The following SPOCK3 variants were observed in gnomAD, a reference collection of about 807,000 sequenced individuals.
SPOCK3 encodes the protein testican-3.
SPOCK3 carries 30 observed loss-of-function variants against 56.6 expected under a neutral mutation model. The ratio of observed to expected loss-of-function variants is 0.53; its 90% confidence interval spans 0.40 to 0.72. SPOCK3 has a LOEUF of 0.72. Among genes scored for constraint, SPOCK3 ranks in the 30% least tolerant of loss-of-function variants. The pLI is 0.00. For missense variants in SPOCK3, 527 were observed against 530.0 expected, an observed-to-expected ratio of 0.99 and a Z score of 0.06; for synonymous variants, 196 against 183.3, an observed-to-expected ratio of 1.07 and a Z score of -0.56.
intron 6 of SPOCK3, among the ~76,000 whole-genome samples, chr4:166,806,437 C>T (rs942402323): frequency 6.6e-6 from 1 of 152,026 alleles, no homozygotes; most frequent in Admixed American, 6.6e-5. Context: ...ACAATTGATG[C>T]TTCTATTTTG....
At position 167,148,010 on chromosome 4, in the gene SPOCK3, A is replaced by G. The variant is rs114489461; in HGVS notation, c.190-85473T>C. ...ACTGAAAAATACTGCCGATAAAACAATAAATTGAGATCCAAAAAATGACCT... is the reference window on the plus strand; with the variant it reads ...ACTGAAAAATACTGCCGATAAAACAGTAAATTGAGATCCAAAAAATGACCT... On this transcript the variant is annotated intron_variant, in intron 2 of 10. Coordinates refer to ENST00000357545, the MANE Select transcript of SPOCK3 (RefSeq NM_001040159.2). Among the ~76,000 whole-genome samples, 268 of 152,292 alleles carry G rather than the reference A, an allele frequency of 1.8e-3. 1 individual carries two copies. The highest frequency in any genetic ancestry group is 2.7e-3 in the Admixed American group (41 of 15,284).
rs746186223 is a variant in SPOCK3 at position 167,062,476 on chromosome 4, ATAGT to A, written c.235+12_235+15del. 5.1e-5 allele frequency: 80 copies of A among 1,570,458 alleles called. No homozygotes were observed. The highest frequency in any genetic ancestry group is 4.8e-5 in the Non-Finnish European group (55 of 1,144,782). ...AACATGTAAAGGTTTTTATTTTAAA[ATAGT>A]TAGATTCTTACCCTGATCGAAGGGT... On this transcript the variant is annotated intron_variant, in intron 3 of 10. Coordinates refer to ENST00000357545, the MANE Select transcript of SPOCK3 (RefSeq NM_001040159.2).
intron 2 of SPOCK3, among the ~76,000 whole-genome samples, chr4:167,133,475 A>G (rs1330329441): frequency 4.6e-5 from 7 of 152,220 alleles, no homozygotes; most frequent in Admixed American, 4.6e-4. Flanking sequence ...AATATGTTGC[A>G]GAGCAATAGG....
chr4:167,012,612 AC>A (rs1215497295), intron 3 of SPOCK3, among the ~76,000 whole-genome samples: 1 of 151,918 alleles, frequency 6.6e-6, no homozygotes, highest in Non-Finnish European at 1.5e-5. Flanking sequence ...GAATAGTAAA[AC>A]TCAGAGTTTA....
intron 6 of SPOCK3, among the ~76,000 whole-genome samples, chr4:166,850,122 A>G (rs1748524271): frequency 6.6e-6 from 1 of 152,194 alleles, no homozygotes; most frequent in Non-Finnish European, 1.5e-5. Context: ...GCTGGATCAT[A>G]TGGTAATTCT....
chr4:167,234,114 G>C lies in SPOCK3; in HGVS notation c.60C>G (p.Leu20=). The part of the protein sequence containing the change: ...VCAAAWCSQS[L]AAAAAVAAAG... ...CTGCAGCCACCGCCGCGGCAGCTGC[G>C]AGAGACTGACTGCACCAAGCGGCTG... Residue 20 remains leucine (L), a synonymous_variant, in exon 2 of 11, where the codon CTC becomes CTG. Coordinates refer to ENST00000357545, the MANE Select transcript of SPOCK3 (RefSeq NM_001040159.2). 1 of 1,613,956 alleles carries C rather than the reference G, an allele frequency of 6.2e-7. No individual in the cohort carries two copies. The highest frequency in any genetic ancestry group is 2.2e-5 in the East Asian group (1 of 44,842).
intron 2 of SPOCK3, among the ~76,000 whole-genome samples, chr4:167,101,274 G>T (rs1759617986): frequency 6.6e-6 from 1 of 151,912 alleles, no homozygotes; most frequent in African/African-American, 2.4e-5. Context: ...TTATGGCTTT[G>T]GTTCTCCAAA....
At chr4:166,914,432 TTTTAA>T (rs1171532471) in intron 4 of SPOCK3, among the ~76,000 whole-genome samples, 1 of 152,180 alleles carries the variant, frequency 6.6e-6, no homozygotes, top group African/African-American at 2.4e-5. Context: ...AATCTTTCAA[TTTTAA>T]TTTAAAGAGT....
At chr4:167,112,606 A>T (rs1411213371) in intron 2 of SPOCK3, among the ~76,000 whole-genome samples, 1 of 152,122 alleles carries the variant, frequency 6.6e-6, no homozygotes, top group Non-Finnish European at 1.5e-5. Context: ...GGAAAACATC[A>T]AGACTTCACC....
At chr4:166,863,887 A>G (rs1289930158) in intron 6 of SPOCK3, among the ~76,000 whole-genome samples, 1 of 152,032 alleles carries the variant, frequency 6.6e-6, no homozygotes, top group African/African-American at 2.4e-5. Flanking sequence ...GAGGCAGAAA[A>G]TTAAGTAGGA....
chr4:167,153,108 G>T (rs1580451190), intron 2 of SPOCK3, among the ~76,000 whole-genome samples: 1 of 152,244 alleles, frequency 6.6e-6, no homozygotes, highest in African/African-American at 2.4e-5. Flanking sequence ...TTCTACAGAT[G>T]ATAAAACTGA....
At chr4:166,908,872 T>C (rs1406293450) in intron 5 of SPOCK3, among the ~76,000 whole-genome samples, 2 of 152,066 alleles carry the variant, frequency 1.3e-5, no homozygotes, top group African/African-American at 4.8e-5. Context: ...AGACTTTGCC[T>C]GAAGTAAAGA....
chr4:167,185,198 T>A (rs143225016), intron 2 of SPOCK3, among the ~76,000 whole-genome samples: 1 of 152,296 alleles, frequency 6.6e-6, no homozygotes, highest in Non-Finnish European at 1.5e-5. Flanking sequence ...TCTTTAAAAA[T>A]TTTTAAGGCA....
At chr4:167,201,040 T>C (rs978398679) in intron 2 of SPOCK3, among the ~76,000 whole-genome samples, 5 of 152,000 alleles carry the variant, frequency 3.3e-5, no homozygotes, top group African/African-American at 9.7e-5. Context: ...TGAGTAAAAT[T>C]TCTTCCTTAA....
intron 6 of SPOCK3, among the ~76,000 whole-genome samples, chr4:166,881,822 C>A (rs1733714683): frequency 6.6e-6 from 1 of 152,054 alleles, no homozygotes; most frequent in Non-Finnish European, 1.5e-5. Flanking sequence ...CTTCCATGCA[C>A]AAAAGGATTT....
chr4:166,832,213 G>A (rs1746155083), intron 6 of SPOCK3, among the ~76,000 whole-genome samples: 1 of 151,972 alleles, frequency 6.6e-6, no homozygotes, highest in Non-Finnish European at 1.5e-5. Flanking sequence ...TTCTTAGTTT[G>A]AGGCCTTACA....
chr4:166,935,104 G>C (rs1381208724), intron 4 of SPOCK3, among the ~76,000 whole-genome samples: 1 of 152,156 alleles, frequency 6.6e-6, no homozygotes, highest in Non-Finnish European at 1.5e-5. Context: ...AAATGTAATG[G>C]AAGCTCAGAC....
intron 3 of SPOCK3, among the ~76,000 whole-genome samples, chr4:167,050,384 A>C (rs1383412875): frequency 1.3e-5 from 2 of 152,186 alleles, no homozygotes; most frequent in African/African-American, 2.4e-5. Flanking sequence ...CATTGGGATA[A>C]ATTTTAATTT....
intron 3 of SPOCK3, among the ~76,000 whole-genome samples, chr4:167,055,351 T>G (rs1020502020): frequency 6.6e-6 from 1 of 152,260 alleles, no homozygotes. Context: ...ACAGCTCCGG[T>G]CTACAGCTCC....
Sources: gnomAD v4.1 joint callset for allele counts (sites outside exome capture counted in the v4.1 genomes callset) on GRCh38, gnomAD v4.1.1 for gene constraint, MANE v1.5 for transcripts, NCBI Gene and HGNC (gene_info 2026-07-23, HGNC 2026-07-21) for gene names.